The following KHDRBS2 variants were observed in gnomAD, a reference collection of about 807,000 sequenced individuals.
The protein encoded by KHDRBS2 is KH RNA binding domain containing, signal transduction associated 2.
In KHDRBS2, 26 loss-of-function variants were observed where a neutral mutation model predicts 44.3. That is an observed-to-expected ratio of 0.59 (90% CI 0.43 to 0.81). The LOEUF is 0.81. Among genes scored for constraint, KHDRBS2 ranks in the 40% least tolerant of loss-of-function variants. The pLI is 0.00. For synonymous variants in KHDRBS2, 194 were observed against 151.1 expected, an observed-to-expected ratio of 1.28 and a Z score of -2.08; for missense variants, 476 against 433.1, an observed-to-expected ratio of 1.10 and a Z score of -0.88.
chr6:61,574,511 G>C, the KHDRBS2 span: 1 of 842,792 alleles, frequency 1.2e-6, no homozygotes, highest in Non-Finnish European at 1.7e-6. Flanking sequence ...TTTCGGCTGG[G>C]GCGACCTCGG....
intron 2 of KHDRBS2, among the ~76,000 whole-genome samples, chr6:62,114,769 C>T (rs1805811937): frequency 6.8e-6 from 1 of 146,892 alleles, no homozygotes; most frequent in Non-Finnish European, 1.5e-5. Flanking sequence ...ATGTTGGCTC[C>T]AGAGTCTGAA....
chr6:61,672,493 C>T, the KHDRBS2 span, among the ~76,000 whole-genome samples: 1 of 152,200 alleles, frequency 6.6e-6, no homozygotes, highest in Non-Finnish European at 1.5e-5. Flanking sequence ...TTCTCCACAT[C>T]CTCTCCAGCA....
chr6:61,660,498 T>C, the KHDRBS2 span, among the ~76,000 whole-genome samples: 1 of 151,718 alleles, frequency 6.6e-6, no homozygotes, highest in Non-Finnish European at 1.5e-5. Context: ...ATTAAGCAAA[T>C]GTAAGTGTAA....
chr6:61,614,792 C>T, the KHDRBS2 span, among the ~76,000 whole-genome samples: 5 of 152,042 alleles, frequency 3.3e-5, no homozygotes, highest in East Asian at 5.8e-4. Context: ...GTTCTGAATG[C>T]GGTATGACCT....
At chr6:61,548,540 A>G in the KHDRBS2 span, among the ~76,000 whole-genome samples, 2 of 152,158 alleles carry the variant, frequency 1.3e-5, no homozygotes, top group Non-Finnish European at 2.9e-5. Context: ...ATTAATCTTT[A>G]AAGTCCTTGC....
intron 7 of KHDRBS2, among the ~76,000 whole-genome samples, chr6:61,702,434 T>C (rs1768838326): frequency 1.3e-5 from 2 of 151,934 alleles, no homozygotes; most frequent in South Asian, 4.1e-4. Flanking sequence ...TTTTCTCTTG[T>C]TTGAGCCACT....
chr6:61,923,073 T>C (rs537364222), intron 4 of KHDRBS2, among the ~76,000 whole-genome samples: 1 of 152,206 alleles, frequency 6.6e-6, no homozygotes, highest in Non-Finnish European at 1.5e-5. Context: ...TAGACATTGA[T>C]GACAAACAGT....
chr6:62,057,871 G>C (rs1280815866), intron 2 of KHDRBS2, among the ~76,000 whole-genome samples: 1 of 151,802 alleles, frequency 6.6e-6, no homozygotes, highest in Non-Finnish European at 1.5e-5. Context: ...CAATGGATTT[G>C]AAAAGCAACA....
At chr6:62,067,374 G>T (rs1373327925) in intron 2 of KHDRBS2, among the ~76,000 whole-genome samples, 1 of 151,458 alleles carries the variant, frequency 6.6e-6, no homozygotes, top group Admixed American at 6.6e-5. Flanking sequence ...TGTGTCTCAT[G>T]CTTGTACATG....
intron 6 of KHDRBS2, among the ~76,000 whole-genome samples, chr6:61,840,420 A>G (rs2127271187): frequency 6.6e-6 from 1 of 152,262 alleles, no homozygotes; most frequent in South Asian, 2.1e-4. Context: ...ATAAATAATG[A>G]CTAAAGCTAC....
intron 6 of KHDRBS2, among the ~76,000 whole-genome samples, chr6:61,839,749 G>T (rs2127270469): frequency 6.6e-6 from 1 of 152,212 alleles, no homozygotes; most frequent in African/African-American, 2.4e-5. Flanking sequence ...CAGGTGTTTT[G>T]ATATCCTTAG....
At chr6:61,863,912 A>T (rs1212428674) in intron 6 of KHDRBS2, among the ~76,000 whole-genome samples, 7 of 152,152 alleles carry the variant, frequency 4.6e-5, no homozygotes, top group African/African-American at 1.7e-4. Context: ...ATTGTGTGGT[A>T]GTCTAAGTCT....
intron 6 of KHDRBS2, chr6:61,816,505 G>T: frequency 3.3e-6 from 1 of 304,424 alleles, no homozygotes; most frequent in African/African-American, 2.2e-5. Flanking sequence ...GGAGAGGCAA[G>T]GAAAGATTCT....
In KHDRBS2 at chr6:62,277,588, T is replaced by C. The variant is rs187701515; in HGVS notation, c.91+8270A>G. On this transcript the variant is annotated intron_variant, in intron 1 of 8. Transcript: ENST00000281156. ...CGATCTCCTGACCTTGTGATCCACCTGCCTCGGCCTCCCAAAGTGCTGGGA... is the reference window on the plus strand; with the variant it reads ...CGATCTCCTGACCTTGTGATCCACCCGCCTCGGCCTCCCAAAGTGCTGGGA... 3.5e-3 allele frequency among the ~76,000 whole-genome samples: 530 copies of C among 152,206 alleles called. 2 individuals are homozygous for C. Among genetic ancestry groups the C allele is most frequent in the Middle Eastern group, 0.017 (5 of 294 alleles).
At chr6:61,943,871 G>T (rs1359348424) in intron 4 of KHDRBS2, among the ~76,000 whole-genome samples, 1 of 152,102 alleles carries the variant, frequency 6.6e-6, no homozygotes, top group Non-Finnish European at 1.5e-5. Flanking sequence ...TTTCTCAAAA[G>T]AAGATATAGT....
intron 6 of KHDRBS2, among the ~76,000 whole-genome samples, chr6:61,778,800 C>A (rs182107276): frequency 3.9e-5 from 6 of 152,250 alleles, no homozygotes; most frequent in African/African-American, 1.4e-4. Context: ...TGATAAAATG[C>A]CAGAAAGAAT....
At chr6:61,930,942 T>A (rs1809926819) in intron 4 of KHDRBS2, among the ~76,000 whole-genome samples, 1 of 152,120 alleles carries the variant, frequency 6.6e-6, no homozygotes, top group Non-Finnish European at 1.5e-5. Context: ...AACTGCAATT[T>A]TTCTACTCAG....
intron 7 of KHDRBS2, among the ~76,000 whole-genome samples, chr6:61,725,793 C>A (rs954264063): frequency 2.0e-4 from 31 of 152,018 alleles, no homozygotes; most frequent in Non-Finnish European, 3.8e-4. Context: ...GAAATTGAGG[C>A]AGTAATAAAT....
chr6:62,119,231 A>G lies in KHDRBS2; in HGVS notation c.219+57954T>C, dbSNP rs528676123. ...TTAGAGGGATATGCAAAATTAATGC[A>G]CTTGATATTCCTCATTCACTGCTCT... On this transcript the variant is annotated intron_variant, in intron 2 of 8. Transcript: ENST00000281156. Among the ~76,000 whole-genome samples the G allele has an allele frequency of 9.2e-5, 14 of 152,318 alleles. No homozygotes were observed. The South Asian group carries it at 1.0e-3, about 11-fold the overall frequency.
Sources: allele counts gnomAD v4.1 joint callset (sites outside exome capture counted in the v4.1 genomes callset), GRCh38; gene constraint gnomAD v4.1.1; transcripts MANE v1.5; gene names NCBI Gene and HGNC (gene_info 2026-07-23, HGNC 2026-07-21).